The following KCNIP4 variants were observed in gnomAD, a reference collection of about 807,000 sequenced individuals.
KCNIP4 encodes potassium voltage-gated channel interacting protein 4.
A neutral mutation model predicts 34.0 loss-of-function variants in KCNIP4; 12 were observed. The observed-to-expected ratio is 0.35, with a 90% CI of 0.23 to 0.57. KCNIP4 has a LOEUF of 0.57. KCNIP4 is among the 20% of genes least tolerant of loss of function. KCNIP4 has a pLI of 0.83. For missense variants in KCNIP4, 238 were observed against 311.7 expected (o/e 0.76, Z 1.78); for synonymous variants, 124 against 102.2 (o/e 1.21, Z -1.29).
chr4:21,759,509 C>T (rs1288170395), intron 1 of KCNIP4, among the ~76,000 whole-genome samples: 1 of 152,128 alleles, frequency 6.6e-6, no homozygotes, highest in Non-Finnish European at 1.5e-5. Flanking sequence ...ATCCTAGAAC[C>T]TAAGAACAGT....
At chr4:21,614,461 C>T (rs566173347) in intron 1 of KCNIP4, among the ~76,000 whole-genome samples, 2 of 148,702 alleles carry the variant, frequency 1.3e-5, no homozygotes, top group South Asian at 4.2e-4. Flanking sequence ...AAAATAAACC[C>T]TTAAATATTG....
At chr4:21,744,581 T>C (rs534121576) in intron 1 of KCNIP4, among the ~76,000 whole-genome samples, 113 of 152,196 alleles carry the variant, frequency 7.4e-4, no homozygotes, top group Non-Finnish European at 1.4e-3. Flanking sequence ...AGCTTTCTCC[T>C]GGGACTCTCA....
At chr4:21,444,289 T>C (rs1727764607) in intron 1 of KCNIP4, among the ~76,000 whole-genome samples, 1 of 152,160 alleles carries the variant, frequency 6.6e-6, no homozygotes, top group Admixed American at 6.5e-5. Context: ...GCCAGCATCA[T>C]CCTGCTACCA....
At chr4:21,713,778 C>T (rs1325947781) in intron 1 of KCNIP4, among the ~76,000 whole-genome samples, 1 of 152,136 alleles carries the variant, frequency 6.6e-6, no homozygotes, top group African/African-American at 2.4e-5. Flanking sequence ...CCCTCTCCAG[C>T]CTTTTTTCCC....
chr4:21,624,369 G>C (rs1231039388), intron 1 of KCNIP4, among the ~76,000 whole-genome samples: 1 of 152,044 alleles, frequency 6.6e-6, no homozygotes. Flanking sequence ...AGTATTACCA[G>C]TCACATATAT....
chr4:21,247,797 G>T (rs1418010315), intron 1 of KCNIP4, among the ~76,000 whole-genome samples: 2 of 60,070 alleles, frequency 3.3e-5, no homozygotes, highest in South Asian at 5.6e-4. Context: ...TACACCACAG[G>T]TGGATATATA....
intron 1 of KCNIP4, among the ~76,000 whole-genome samples, chr4:21,100,088 T>G (rs1204066216): frequency 6.6e-6 from 1 of 152,194 alleles, no homozygotes; most frequent in Non-Finnish European, 1.5e-5. Context: ...ACAAAGGATT[T>G]TGAATATTAC....
At chr4:20,939,113 A>T (rs1731374760) in intron 1 of KCNIP4, among the ~76,000 whole-genome samples, 1 of 152,052 alleles carries the variant, frequency 6.6e-6, no homozygotes, top group Non-Finnish European at 1.5e-5. Flanking sequence ...GAAATCTCTA[A>T]GCTTTCCTGA....
At chr4:21,219,310 G>A (rs895806455) in intron 1 of KCNIP4, among the ~76,000 whole-genome samples, 6 of 152,168 alleles carry the variant, frequency 3.9e-5, no homozygotes, top group African/African-American at 1.4e-4. Flanking sequence ...AAGCCTAAAT[G>A]ACAGAGATTG....
At chr4:21,423,111 C>T (rs534569656) in intron 1 of KCNIP4, among the ~76,000 whole-genome samples, 31 of 152,198 alleles carry the variant, frequency 2.0e-4, no homozygotes, top group African/African-American at 7.2e-4. Context: ...AGAGATAGCA[C>T]CTGGACAAGG....
chr4:21,095,980 T>C (rs1747429752), intron 1 of KCNIP4, among the ~76,000 whole-genome samples: 2 of 152,168 alleles, frequency 1.3e-5, no homozygotes, highest in South Asian at 4.1e-4. Context: ...TACTTCAATA[T>C]CCTATTGCAT....
chr4:21,558,458 C>T (rs576834976), intron 1 of KCNIP4, among the ~76,000 whole-genome samples: 150 of 139,720 alleles, frequency 1.1e-3, no homozygotes, highest in Non-Finnish European at 2.1e-3. Context: ...CGCCACTACA[C>T]TTCAGCCTGG....
chr4:21,619,485 C>T (rs1744859014), intron 1 of KCNIP4, among the ~76,000 whole-genome samples: 1 of 152,156 alleles, frequency 6.6e-6, no homozygotes, highest in African/African-American at 2.4e-5. Context: ...AGAAGACATG[C>T]AATCAGACAG....
rs1052257075 is a variant in KCNIP4, at chr4:21,719,867, G to A, written c.61+228704C>T. 2.0e-5 allele frequency among the ~76,000 whole-genome samples: 3 copies of A among 151,736 alleles called. No individual in the cohort carries two copies. The East Asian group carries it at 5.8e-4, about 30-fold the overall frequency. ...AATCCCAGCTACTTGGGAGGCTGAG[G>A]CAGAAGAATCACTTGAACCTGGGAG... On this transcript the variant is annotated intron_variant, in intron 1 of 8. Coordinates refer to ENST00000382152, the MANE Select transcript of KCNIP4 (RefSeq NM_025221.6).
chr4:21,687,228 G>C (rs945695203), intron 1 of KCNIP4, among the ~76,000 whole-genome samples: 5 of 146,958 alleles, frequency 3.4e-5, no homozygotes, highest in Non-Finnish European at 7.5e-5. Context: ...TAGATGACGC[G>C]TTAGTGGGTG....
In KCNIP4 at chr4:21,758,175, GC is replaced by G. The variant is rs1457034589; in HGVS notation, c.61+190395del. ...ATTCATTCAATTAAAGTTTTGGGGTGCAATTTGTGTCCTATATACTGTTCTA... is the reference window on the plus strand; with the variant it reads ...ATTCATTCAATTAAAGTTTTGGGGTGAATTTGTGTCCTATATACTGTTCTA... On this transcript the variant is annotated intron_variant, in intron 1 of 8. Transcript: ENST00000382152. Among the ~76,000 whole-genome samples the G allele has an allele frequency of 2.6e-5, 4 of 152,160 alleles. No homozygotes were observed. The South Asian group carries it at 6.2e-4, about 24-fold the overall frequency.
At chr4:21,770,949 A>C (rs1718740294) in intron 1 of KCNIP4, among the ~76,000 whole-genome samples, 1 of 152,160 alleles carries the variant, frequency 6.6e-6, no homozygotes, top group Admixed American at 6.5e-5. Context: ...TAGTTTAATT[A>C]GATCCCAGTT....
chr4:20,967,474 C>A (rs373262848), intron 1 of KCNIP4, among the ~76,000 whole-genome samples: 2 of 152,266 alleles, frequency 1.3e-5, no homozygotes, highest in East Asian at 3.9e-4. Flanking sequence ...ACAGCCAAGA[C>A]GATCCTAAGC....
intron 1 of KCNIP4, among the ~76,000 whole-genome samples, chr4:20,961,777 T>C (rs1368340993): frequency 6.6e-6 from 1 of 152,100 alleles, no homozygotes; most frequent in Non-Finnish European, 1.5e-5. Flanking sequence ...TGAAAAGAAA[T>C]AGACAAAATA....
Sources: allele counts gnomAD v4.1 joint callset (sites outside exome capture counted in the v4.1 genomes callset), GRCh38; gene constraint gnomAD v4.1.1; transcripts MANE v1.5; gene names NCBI Gene and HGNC (gene_info 2026-07-23, HGNC 2026-07-21).